The following ALK variants were observed in gnomAD, a reference collection of about 807,000 sequenced individuals.
ALK encodes the protein ALK receptor tyrosine kinase.
In ALK, 74 loss-of-function variants were observed where a neutral mutation model predicts 163.1. The observed-to-expected ratio is 0.45, with a 90% CI of 0.38 to 0.55. The LOEUF (loss-of-function observed/expected upper bound fraction) is 0.55, where lower values mean the gene tolerates loss of function less well. ALK is among the 20% of genes least tolerant of loss of function. The probability of loss-of-function intolerance (pLI) is 0.00; values close to 1 mark genes in which losing one functional copy is unlikely to be tolerated. For missense variants in ALK, 2,063 were observed against 2,105.3 expected, an observed-to-expected ratio of 0.98 and a Z score of 0.39; for synonymous variants, 960 against 843.2, an observed-to-expected ratio of 1.14 and a Z score of -2.40.
chr2:29,565,319 T>C (rs1317028759), intron 3 of ALK, among the ~76,000 whole-genome samples: 1 of 152,198 alleles, frequency 6.6e-6, no homozygotes, highest in Non-Finnish European at 1.5e-5. Flanking sequence ...ACTCGGGTCT[T>C]CCGGCGTTAG....
intron 1 of ALK, among the ~76,000 whole-genome samples, chr2:29,752,348 CTTTTTTTT>C (rs34424748): frequency 1.7e-5 from 2 of 120,984 alleles, no homozygotes; most frequent in Non-Finnish European, 3.4e-5. Context: ...ATTTTCTTTT[CTTTTTTTT>C]TTTTTTTTTT....
rs895456023 is a variant in ALK, at chr2:29,513,187, G to A, written c.1154+18728C>T. On this transcript the variant is annotated intron_variant, in intron 4 of 28. Coordinates refer to ENST00000389048, the MANE Select transcript of ALK (RefSeq NM_004304.5). ...ACGGAACCAAAAAAGAGCCCACATC[G>A]CCAAGTCAATCCTAAGCCAAAAGAA... 3.2e-4 allele frequency among the ~76,000 whole-genome samples: 46 copies of A among 145,042 alleles called. 4 individuals are homozygous for A. The highest frequency in any genetic ancestry group is 1.2e-3 in the African/African-American group (43 of 37,372).
At chr2:29,853,910 T>C (rs1167129325) in intron 1 of ALK, among the ~76,000 whole-genome samples, 2 of 52,392 alleles carry the variant, frequency 3.8e-5, no homozygotes, top group Non-Finnish European at 8.9e-5. Flanking sequence ...TTTCTTTTCT[T>C]TTCTTTTTTT....
intron 1 of ALK, among the ~76,000 whole-genome samples, chr2:29,759,651 T>C (rs897959926): frequency 6.6e-6 from 1 of 152,218 alleles, no homozygotes; most frequent in Non-Finnish European, 1.5e-5. Flanking sequence ...ACAAGAGAGA[T>C]GTCCATGATT....
intron 11 of ALK, among the ~76,000 whole-genome samples, chr2:29,264,730 G>A (rs1665168763): frequency 1.3e-5 from 2 of 152,250 alleles, no homozygotes; most frequent in African/African-American, 4.8e-5. Context: ...ATGCATGCCA[G>A]GGGTACAGTG....
At chr2:29,799,113 C>T (rs911666393) in intron 1 of ALK, among the ~76,000 whole-genome samples, 6 of 152,324 alleles carry the variant, frequency 3.9e-5, no homozygotes, top group Admixed American at 6.5e-5. Context: ...ACAGCTGCAC[C>T]AGCTAGATAT....
At chr2:29,667,434 C>T (rs923270936) in intron 3 of ALK, among the ~76,000 whole-genome samples, 1 of 151,952 alleles carries the variant, frequency 6.6e-6, no homozygotes, top group Non-Finnish European at 1.5e-5. Flanking sequence ...CTATTCGGTA[C>T]AATGTTAGCT....
chr2:29,478,458 C>A (rs79841596), intron 4 of ALK, among the ~76,000 whole-genome samples: 1 of 152,222 alleles, frequency 6.6e-6, no homozygotes, highest in Non-Finnish European at 1.5e-5. Context: ...GGAAACAGAG[C>A]CTTGGACAGG....
chr2:29,435,625 G>A (rs1378321942), intron 4 of ALK, among the ~76,000 whole-genome samples: 1 of 149,974 alleles, frequency 6.7e-6, no homozygotes, highest in Admixed American at 6.6e-5. Context: ...AGGTCACGGT[G>A]GTTTAAAAAA....
Position 29,193,129 on chromosome 2 carries a change from T to TGAC in ALK, c.*92_*94dup, listed in dbSNP as rs1668912511. The stretch of plus-strand genomic sequence containing the variant: ...AAATAGGTTGGCACAAAACAAAACG[T>TGAC]GACATTTGGTCTCTGGTTTGTGAAG... On this transcript the variant is annotated 3_prime_UTR_variant, in exon 29 of 29. Coordinates refer to ENST00000389048, the MANE Select transcript of ALK (RefSeq NM_004304.5). 7.4e-7 allele frequency: 1 copy of TGAC among 1,357,156 alleles called. No homozygotes were observed. Among genetic ancestry groups the TGAC allele is most frequent in the South Asian group, 1.2e-5 (1 of 81,362 alleles). The allele number at this position is 1,357,156 out of a possible 1,614,324, so 84.1% of individuals were successfully genotyped here. A position where few individuals can be genotyped will look rare whatever the true frequency, so the allele number is the denominator to read the frequency against.
intron 3 of ALK, among the ~76,000 whole-genome samples, chr2:29,624,720 C>A (rs755784147): frequency 6.6e-6 from 1 of 152,182 alleles, no homozygotes; most frequent in Non-Finnish European, 1.5e-5. Flanking sequence ...TAAACCTGCA[C>A]GTACTGCGCA....
At chr2:29,279,781 C>T (rs1024143617) in intron 9 of ALK, among the ~76,000 whole-genome samples, 1 of 152,192 alleles carries the variant, frequency 6.6e-6, no homozygotes, top group Non-Finnish European at 1.5e-5. Context: ...TTCCGTGAGT[C>T]CCCCAGAAGT....
At chr2:29,393,460 C>T (rs959658939) in intron 4 of ALK, among the ~76,000 whole-genome samples, 2 of 152,160 alleles carry the variant, frequency 1.3e-5, no homozygotes, top group Admixed American at 6.5e-5. Context: ...CTGCTCCACA[C>T]CCAGGAGGAA....
At chr2:29,305,903 G>A (rs1666496011) in intron 8 of ALK, among the ~76,000 whole-genome samples, 1 of 152,144 alleles carries the variant, frequency 6.6e-6, no homozygotes, top group Non-Finnish European at 1.5e-5. Context: ...TCAGATCAGT[G>A]CAATAGGGCT....
chr2:29,261,018 A>C (rs1426536296), intron 11 of ALK, among the ~76,000 whole-genome samples: 2 of 152,110 alleles, frequency 1.3e-5, no homozygotes, highest in Admixed American at 6.5e-5. Flanking sequence ...CCTTTCCTGC[A>C]ATGACGTTTG....
intron 3 of ALK, among the ~76,000 whole-genome samples, chr2:29,680,640 A>G (rs1228209268): frequency 6.6e-6 from 1 of 152,028 alleles, no homozygotes; most frequent in Non-Finnish European, 1.5e-5. Context: ...TTTTTAATTG[A>G]ATATATTCAT....
intron 1 of ALK, among the ~76,000 whole-genome samples, chr2:29,722,293 C>T (rs531014772): frequency 8.5e-5 from 13 of 152,306 alleles, no homozygotes; most frequent in Middle Eastern, 3.4e-3. Flanking sequence ...CAAGTGAGTG[C>T]GGGACACCAG....
chr2:29,238,658 C>G (rs75881181), intron 13 of ALK, among the ~76,000 whole-genome samples: 11,342 of 152,194 alleles, frequency 0.075, 533 homozygotes, highest in Non-Finnish European at 0.11. Flanking sequence ...GAAGCCACAG[C>G]GAAGACCAGT....
chr2:29,509,472 A>C (rs988671267), intron 4 of ALK, among the ~76,000 whole-genome samples: 1 of 152,224 alleles, frequency 6.6e-6, no homozygotes, highest in South Asian at 2.1e-4. Context: ...CATGCTTTTC[A>C]GTGAATATTA....
Sources: gnomAD v4.1 joint callset for allele counts (sites outside exome capture counted in the v4.1 genomes callset) on GRCh38, gnomAD v4.1.1 for gene constraint, MANE v1.5 for transcripts, NCBI Gene and HGNC (gene_info 2026-07-23, HGNC 2026-07-21) for gene names.